The following PRDM11 variants were observed in gnomAD, a reference collection of about 807,000 sequenced individuals.
PRDM11 encodes PR domain-containing protein 11.
A neutral mutation model predicts 97.8 loss-of-function variants in PRDM11; 20 were observed. That is an observed-to-expected ratio of 0.20 (90% CI 0.14 to 0.30). The LOEUF is 0.30. PRDM11 is among the 10% of genes least tolerant of loss of function. The pLI is 1.00. For synonymous variants in PRDM11, 599 were observed against 637.7 expected, an observed-to-expected ratio of 0.94 and a Z score of 0.91; for missense variants, 1,139 against 1,555.2, an observed-to-expected ratio of 0.73 and a Z score of 4.50.
intron 5 of PRDM11, among the ~76,000 whole-genome samples, chr11:45,205,138 G>T (rs1022848903): frequency 1.3e-5 from 2 of 152,180 alleles, no homozygotes; most frequent in Non-Finnish European, 2.9e-5. Flanking sequence ...GGGGTGGTGT[G>T]AGAATCGTCC....
rs755069218 is a variant in PRDM11, at chr11:45,183,071, A to G, written c.434A>G (p.Tyr145Cys). The change falls in exon 4 of 8, where the codon TAT becomes TGT. Residue 145 changes from tyrosine (Y) to cysteine (C), a missense_variant. Physicochemically the swap from Tyr to Cys is radical, Grantham distance 194. Around this residue, in one of 2 missense-constraint regions of PRDM11, gnomAD observed 429 missense variants for 510.3 expected, o/e 0.84. Transcript: ENST00000683152. ...CCCAAGGGCCACATCTTCGGCCCCTATGAGGGGCAGATCTCCACCCAGGAC... is the reference window on the plus strand; with the variant it reads ...CCCAAGGGCCACATCTTCGGCCCCTGTGAGGGGCAGATCTCCACCCAGGAC... ...VIPKGHIFGP[Y>C]EGQISTQDKS... 5.6e-6 allele frequency: 9 copies of G among 1,613,766 alleles called. No individual in the cohort carries two copies. Among genetic ancestry groups the G allele is most frequent in the Non-Finnish European group, 7.6e-6 (9 of 1,179,968 alleles).
rs1011680091 is a variant in PRDM11 at position 45,213,845 on chromosome 11, C to T, written c.555-5725C>T. 1.6e-4 allele frequency: 65 copies of T among 413,998 alleles called. 1 individual carries two copies. The highest frequency in any genetic ancestry group is 1.2e-3 in the African/African-American group (60 of 49,218). The allele number at this position is 413,998 out of a possible 1,614,324, so 25.6% of individuals were successfully genotyped here. On this transcript the variant is annotated intron_variant, in intron 5 of 7. Coordinates refer to ENST00000683152, the MANE Select transcript of PRDM11 (RefSeq NM_001384648.1). ...CCAGGGTATCGGTTTTCCCAGCTCC[C>T]CTGTCAGAGGCCAGATCTGGAGTAG...
At position 45,228,285 on chromosome 11, in the gene PRDM11, A is replaced by ATAT. The variant is rs1854328460; in HGVS notation, c.*126_*127insTAT. ...TTATATTATATATATATATATATAT[A>ATAT]AACTCACACTGAAAATTTTTAAAAA... On this transcript the variant is annotated 3_prime_UTR_variant, in exon 8 of 8. Transcript: ENST00000683152. 6.0e-6 allele frequency: 2 copies of ATAT among 331,790 alleles called. No homozygotes were observed. Among genetic ancestry groups the ATAT allele is most frequent in the Non-Finnish European group, 4.5e-6 (1 of 223,500 alleles). 20.6% of individuals were successfully genotyped at this position (331,790 alleles called of 1,614,324 possible).
chr11:45,153,891 A>G (rs1055391653), intron 1 of PRDM11, among the ~76,000 whole-genome samples: 1 of 152,194 alleles, frequency 6.6e-6, no homozygotes, highest in African/African-American at 2.4e-5. Context: ...GCATCCACAT[A>G]TGGATGAGGA....
intron 1 of PRDM11, among the ~76,000 whole-genome samples, chr11:45,176,380 A>T (rs1413694124): frequency 1.3e-5 from 2 of 152,220 alleles, no homozygotes; most frequent in Non-Finnish European, 2.9e-5. Flanking sequence ...CAATCTAAAA[A>T]AACAGAAATT....
At chr11:45,222,632 G>A (rs546539564) in intron 6 of PRDM11, among the ~76,000 whole-genome samples, 134 of 152,162 alleles carry the variant, frequency 8.8e-4, no homozygotes, top group Non-Finnish European at 1.5e-3. Context: ...CAGAAAAGGT[G>A]CATCCTGAAT....
chr11:45,152,866 C>T (rs972147909), intron 1 of PRDM11, among the ~76,000 whole-genome samples: 4 of 152,308 alleles, frequency 2.6e-5, no homozygotes, highest in Middle Eastern at 3.4e-3. Context: ...CAGGTCCTGA[C>T]TGCTGTGCTG....
chr11:45,113,296 G>C (rs1852224347), intron 1 of PRDM11, among the ~76,000 whole-genome samples: 1 of 152,134 alleles, frequency 6.6e-6, no homozygotes, highest in Non-Finnish European at 1.5e-5. Context: ...TCTCTATTCT[G>C]TTCCATTGGT....
intron 1 of PRDM11, among the ~76,000 whole-genome samples, chr11:45,161,760 T>A (rs906211999): frequency 6.6e-6 from 1 of 152,210 alleles, no homozygotes; most frequent in Non-Finnish European, 1.5e-5. Context: ...GTTTGCTGTT[T>A]TCCTCACACC....
At position 45,146,784 on chromosome 11, in the gene PRDM11, G is replaced by A. The variant is rs1170657694; in HGVS notation, c.-100G>A. 1 of 145,130 alleles carries A rather than the reference G, an allele frequency of 6.9e-6. No homozygotes were observed. Among genetic ancestry groups the A allele is most frequent in the Non-Finnish European group, 1.5e-5 (1 of 65,096 alleles). 9.0% of individuals were successfully genotyped at this position (145,130 alleles called of 1,614,324 possible). A position where few individuals can be genotyped will look rare whatever the true frequency, so the allele number is the denominator to read the frequency against. On this transcript the variant is annotated 5_prime_UTR_variant, in exon 1 of 8. Coordinates refer to ENST00000683152, the MANE Select transcript of PRDM11 (RefSeq NM_001384648.1). Reference sequence around the variant, plus strand: ...GCAGCGCGGCCGCTCCCTCCGCGGGGGCCGCCAGCCGAGGCCGCGCCGCCT... The same window carrying A: ...GCAGCGCGGCCGCTCCCTCCGCGGGAGCCGCCAGCCGAGGCCGCGCCGCCT...
chr11:45,152,768 C>T (rs770441584), intron 1 of PRDM11, among the ~76,000 whole-genome samples: 7 of 152,214 alleles, frequency 4.6e-5, no homozygotes, highest in African/African-American at 1.4e-4. Flanking sequence ...CCCACAGTTT[C>T]ACAGTTGGTG....
At chr11:45,097,477 C>T (rs974645518) in intron 1 of PRDM11, among the ~76,000 whole-genome samples, 1 of 152,086 alleles carries the variant, frequency 6.6e-6, no homozygotes. Context: ...AAGCTTTCAT[C>T]CCTCCCATTT....
chr11:45,213,177 C>T (rs112102403), intron 5 of PRDM11: 7 of 456,576 alleles, frequency 1.5e-5, no homozygotes, highest in Admixed American at 9.4e-5. Flanking sequence ...ACCTCCTCAC[C>T]GAGCGCAGGT....
intron 1 of PRDM11, among the ~76,000 whole-genome samples, chr11:45,161,369 T>C (rs1851923476): frequency 6.6e-6 from 1 of 152,196 alleles, no homozygotes; most frequent in African/African-American, 2.4e-5. Flanking sequence ...AACATCCTGG[T>C]GGAGGCTGCT....
intron 1 of PRDM11, among the ~76,000 whole-genome samples, chr11:45,118,202 G>A (rs1307354490): frequency 1.3e-5 from 2 of 152,116 alleles, no homozygotes; most frequent in Non-Finnish European, 2.9e-5. Context: ...TGGTATCCTG[G>A]ATAAAATCCT....
chr11:45,222,782 A>T (rs2135848359), intron 6 of PRDM11, among the ~76,000 whole-genome samples: 1 of 152,270 alleles, frequency 6.6e-6, no homozygotes, highest in East Asian at 1.9e-4. Context: ...CTTCAATCAG[A>T]AGTCTTTTGC....
chr11:45,176,956 C>G (rs565839305), intron 1 of PRDM11, among the ~76,000 whole-genome samples: 2 of 152,220 alleles, frequency 1.3e-5, no homozygotes, highest in East Asian at 3.8e-4. Flanking sequence ...GAACTGAGAC[C>G]CAGGGCTTGG....
chr11:45,163,545 G>A (rs1252871644), intron 1 of PRDM11, among the ~76,000 whole-genome samples: 4 of 152,080 alleles, frequency 2.6e-5, no homozygotes, highest in Non-Finnish European at 5.9e-5. Flanking sequence ...GCTCCTGATC[G>A]TAGGGAATTC....
At chr11:45,140,673 C>A (rs1469578957) in intron 1 of PRDM11, among the ~76,000 whole-genome samples, 1 of 152,104 alleles carries the variant, frequency 6.6e-6, no homozygotes, top group Non-Finnish European at 1.5e-5. Context: ...TGTGGCTCCA[C>A]CCAGCAGTCC....
Sources: allele counts gnomAD v4.1 joint callset (sites outside exome capture counted in the v4.1 genomes callset), GRCh38; gene constraint gnomAD v4.1.1; regional missense constraint gnomAD v4.1.1; transcripts MANE v1.5; gene names NCBI Gene and HGNC (gene_info 2026-07-23, HGNC 2026-07-21).